The following CFH variants were observed in gnomAD, a reference collection of about 807,000 sequenced individuals.
CFH encodes complement factor H, also known as H factor 1 (complement).
In CFH, 53 loss-of-function variants were observed where a neutral mutation model predicts 147.3. The ratio of observed to expected loss-of-function variants is 0.36; its 90% confidence interval spans 0.29 to 0.45. CFH has a LOEUF of 0.45. Among genes scored for constraint, CFH ranks in the 20% least tolerant of loss-of-function variants. CFH has a pLI of 1.00. For missense variants in CFH, 1,380 were observed against 1,498.0 expected (o/e 0.92, Z 1.30); for synonymous variants, 536 against 489.4 (o/e 1.10, Z -1.26).
At position 196,669,737 on chromosome 1, in the gene CFH, C is replaced by A. The variant is rs528991786; in HGVS notation, c.59-3241C>A. ...GGAGAACCTCTACTAGGGCAATGAG[C>A]AAGGGAAATGTAGGATTGGAGCCCC... On this transcript the variant is annotated intron_variant, in intron 1 of 21. Transcript: ENST00000367429. 4.6e-5 allele frequency among the ~76,000 whole-genome samples: 7 copies of A among 152,274 alleles called. No individual in the cohort carries two copies. In the South Asian group the frequency reaches 1.5e-3, roughly 32 times the overall value.
chr1:196,730,356 A>G lies in CFH; in HGVS notation c.2413+1834A>G, dbSNP rs143580347. Among the ~76,000 whole-genome samples the G allele has an allele frequency of 1.8e-3, 273 of 151,964 alleles. 1 individual carries two copies. The highest frequency in any genetic ancestry group is 2.4e-3 in the Non-Finnish European group (162 of 67,822). ...TGACCCTATGATTGTTTCAGAGCAT[A>G]TTGTCTAATTTTCACCTAATTTAAA... On this transcript the variant is annotated intron_variant, in intron 15 of 21. Coordinates refer to ENST00000367429, the MANE Select transcript of CFH (RefSeq NM_000186.4).
intron 19 of CFH, among the ~76,000 whole-genome samples, chr1:196,742,699 G>C (rs1652851100): frequency 6.6e-6 from 1 of 152,086 alleles, no homozygotes; most frequent in African/African-American, 2.4e-5. Context: ...GTAAAACCCT[G>C]AAACTGTTTT....
chr1:196,723,125 C>T (rs922408846), intron 11 of CFH, among the ~76,000 whole-genome samples: 2 of 151,984 alleles, frequency 1.3e-5, no homozygotes, highest in East Asian at 1.9e-4. Context: ...TGATCCTTTG[C>T]GAGTGTTGTA....
At chr1:196,688,479 G>T (rs1050239859) in intron 7 of CFH, among the ~76,000 whole-genome samples, 2 of 151,958 alleles carry the variant, frequency 1.3e-5, no homozygotes, top group East Asian at 3.9e-4. Flanking sequence ...GGAGAACTTG[G>T]CTTAATGAAT....
At chr1:196,714,807 T>C (rs907608030) in intron 10 of CFH, among the ~76,000 whole-genome samples, 2 of 148,540 alleles carry the variant, frequency 1.3e-5, no homozygotes, top group African/African-American at 5.0e-5. Flanking sequence ...TTCAAGCAAT[T>C]CTCCTACCTC....
intron 1 of CFH, among the ~76,000 whole-genome samples, chr1:196,659,481 C>T (rs1332241831): frequency 6.6e-6 from 1 of 152,206 alleles, no homozygotes; most frequent in Non-Finnish European, 1.5e-5. Flanking sequence ...CAGTGTATAG[C>T]AGCCTCAGAG....
At chr1:196,696,128 T>C (rs1313110392) in intron 9 of CFH, among the ~76,000 whole-genome samples, 3 of 152,152 alleles carry the variant, frequency 2.0e-5, no homozygotes, top group African/African-American at 4.8e-5. Context: ...CTAATAGACA[T>C]CTACAGAACT....
chr1:196,698,661 T>C (rs1668359447), intron 9 of CFH, among the ~76,000 whole-genome samples: 1 of 152,180 alleles, frequency 6.6e-6, no homozygotes, highest in African/African-American at 2.4e-5. Context: ...GAGGAGTTGG[T>C]ACCATTCCTT....
intron 20 of CFH, among the ~76,000 whole-genome samples, chr1:196,743,986 C>G (rs1558186055): frequency 6.6e-6 from 1 of 152,018 alleles, no homozygotes; most frequent in Non-Finnish European, 1.5e-5. Flanking sequence ...AGATCATAGA[C>G]TGTGATATAA....
intron 8 of CFH, 81 bp from the exon 9 acceptor site, chr1:196,689,981 TA>T: frequency 7.3e-7 from 1 of 1,372,092 alleles, no homozygotes; most frequent in Non-Finnish European, 1.0e-6. Context: ...TTAAATATTG[TA>T]AAAATAATTG....
intron 9 of CFH, among the ~76,000 whole-genome samples, chr1:196,702,772 CTG>C (rs1668492061): frequency 6.6e-6 from 1 of 152,150 alleles, no homozygotes; most frequent in Admixed American, 6.5e-5. Flanking sequence ...AATATAAACA[CTG>C]GAGATAGATC....
At chr1:196,684,755 G>A (rs1230742126) in intron 6 of CFH, among the ~76,000 whole-genome samples, 1 of 151,968 alleles carries the variant, frequency 6.6e-6, no homozygotes, top group African/African-American at 2.4e-5. Context: ...AGAATAGAAG[G>A]AAAGTGAAAG....
intron 9 of CFH, among the ~76,000 whole-genome samples, chr1:196,693,485 T>A (rs1573032942): frequency 6.6e-6 from 1 of 152,078 alleles, no homozygotes; most frequent in South Asian, 2.1e-4. Flanking sequence ...ATGCCCGAAA[T>A]GATTAATAGT....
At chr1:196,739,912 C>G (rs1007477735) in intron 17 of CFH, among the ~76,000 whole-genome samples, 1 of 152,158 alleles carries the variant, frequency 6.6e-6, no homozygotes, top group Admixed American at 6.6e-5. Flanking sequence ...AATTGACTCA[C>G]AATTCCACAT....
intron 7 of CFH, among the ~76,000 whole-genome samples, chr1:196,687,002 A>G (rs559324472): frequency 1.8e-4 from 27 of 152,240 alleles, no homozygotes; most frequent in Admixed American, 7.2e-4. Flanking sequence ...AATTGGAATG[A>G]TACAGAGGAT....
chr1:196,691,986 A>T (rs1017286522), intron 9 of CFH, among the ~76,000 whole-genome samples: 3 of 152,028 alleles, frequency 2.0e-5, no homozygotes, highest in Non-Finnish European at 4.4e-5. Flanking sequence ...TTTTTATAGT[A>T]CCTTTCTCAA....
At chr1:196,678,042 T>C in intron 5 of CFH, 1 of 247,876 alleles carries the variant, frequency 4.0e-6, no homozygotes, top group Non-Finnish European at 8.1e-6. Flanking sequence ...AAGAGAATGC[T>C]AAGTATTTCT....
intron 4 of CFH, 60 bp from the exon 5 acceptor site, chr1:196,677,416 A>G: frequency 2.7e-6 from 4 of 1,479,430 alleles, no homozygotes; most frequent in Non-Finnish European, 1.9e-6. Flanking sequence ...ATACATACAC[A>G]TATTTTTCAC....
At chr1:196,744,099 G>T (rs1652916618) in intron 20 of CFH, among the ~76,000 whole-genome samples, 1 of 152,016 alleles carries the variant, frequency 6.6e-6, no homozygotes, top group Admixed American at 6.5e-5. Flanking sequence ...CTAATATAAA[G>T]AGATGAAATA....
Sources: gnomAD v4.1 joint callset for allele counts (sites outside exome capture counted in the v4.1 genomes callset) on GRCh38, gnomAD v4.1.1 for gene constraint, MANE v1.5 for transcripts, NCBI Gene and HGNC (gene_info 2026-07-23, HGNC 2026-07-21) for gene names.